SH3BGRL2: variants seen among roughly 807,000 people sequenced by gnomAD.
The protein encoded by SH3BGRL2 is SH3 domain-binding glutamic acid-rich-like protein 2.
Under a neutral mutation model 14.8 loss-of-function variants are expected in SH3BGRL2, and 21 were observed. That is an observed-to-expected ratio of 1.42 (90% CI 1.01 to 2.05). The LOEUF (loss-of-function observed/expected upper bound fraction) is 2.05, where lower values mean the gene tolerates loss of function less well. SH3BGRL2 is among the 30% of genes most tolerant of loss of function. SH3BGRL2 has a pLI of 0.00. For missense variants in SH3BGRL2, 147 were observed against 130.8 expected (o/e 1.12, Z -0.61); for synonymous variants, 50 against 47.8 (o/e 1.05, Z -0.19).
At chr6:79,637,700 A>G (rs1768954141) in intron 1 of SH3BGRL2, among the ~76,000 whole-genome samples, 1 of 152,200 alleles carries the variant, frequency 6.6e-6, no homozygotes, top group African/African-American at 2.4e-5. Context: ...CTAAAAAAAA[A>G]AAAAGAAAAT....
chr6:79,660,692 T>C (rs1769526718), intron 1 of SH3BGRL2, among the ~76,000 whole-genome samples: 1 of 152,220 alleles, frequency 6.6e-6, no homozygotes, highest in Non-Finnish European at 1.5e-5. Flanking sequence ...TTGTATTGAT[T>C]GGAATAGTTT....
chr6:79,697,596 G>C (rs1024882132), intron 3 of SH3BGRL2, among the ~76,000 whole-genome samples: 4 of 152,140 alleles, frequency 2.6e-5, no homozygotes, highest in Admixed American at 2.0e-4. Context: ...ATCGTGCTTT[G>C]TTTTTACATC....
the SH3BGRL2 span, among the ~76,000 whole-genome samples, chr6:79,580,356 A>G: frequency 6.6e-6 from 1 of 152,334 alleles, no homozygotes; most frequent in South Asian, 2.1e-4. Flanking sequence ...TCAGCATCAC[A>G]TCGCACCTAC....
intron 1 of SH3BGRL2, among the ~76,000 whole-genome samples, chr6:79,640,118 A>C (rs1476772690): frequency 6.6e-6 from 1 of 152,078 alleles, no homozygotes; most frequent in Non-Finnish European, 1.5e-5. Context: ...TTTGGGGGGC[A>C]CTGGGGTGGC....
chr6:79,620,524 A>G, the SH3BGRL2 span, among the ~76,000 whole-genome samples: 1 of 152,072 alleles, frequency 6.6e-6, no homozygotes, highest in African/African-American at 2.4e-5. Context: ...TAACTGTTTC[A>G]TGGGACTTTG....
At chr6:79,659,184 T>C (rs945541588) in intron 1 of SH3BGRL2, among the ~76,000 whole-genome samples, 1 of 152,224 alleles carries the variant, frequency 6.6e-6, no homozygotes, top group African/African-American at 2.4e-5. Context: ...TGCCATTACT[T>C]TTGGTGTTTT....
intron 1 of SH3BGRL2, among the ~76,000 whole-genome samples, chr6:79,662,122 A>G (rs368442847): frequency 1.2e-4 from 19 of 152,188 alleles, no homozygotes; most frequent in African/African-American, 3.9e-4. Context: ...GTGTCTTTTA[A>G]TTGGTGCATT....
chr6:79,629,610 G>C (rs955192572), upstream of SH3BGRL2, among the ~76,000 whole-genome samples: 1 of 152,172 alleles, frequency 6.6e-6, no homozygotes, highest in African/African-American at 2.4e-5. Flanking sequence ...ACTCCTTGCT[G>C]TTCTCCTCAC....
At chr6:79,602,538 G>T in the SH3BGRL2 span, among the ~76,000 whole-genome samples, 1 of 152,206 alleles carries the variant, frequency 6.6e-6, no homozygotes, top group Non-Finnish European at 1.5e-5. Flanking sequence ...ATAGGCTCCA[G>T]ATTTGTAATT....
At chr6:79,670,845 C>A (rs557399855) in intron 1 of SH3BGRL2, among the ~76,000 whole-genome samples, 2 of 152,260 alleles carry the variant, frequency 1.3e-5, no homozygotes, top group South Asian at 4.1e-4. Flanking sequence ...CCTCCAGGCA[C>A]CATATCTGCG....
rs146848831 is a variant in SH3BGRL2, at chr6:79,663,010, G to T, written c.46-10604G>T. ...TTTCAGCTCCAGCAGGTCATTTAAG[G>T]TCTTCTCTACACTGCTTATTCTAGT... On this transcript the variant is annotated intron_variant, in intron 1 of 3. Transcript: ENST00000369838. Among the ~76,000 whole-genome samples, 832 of 152,132 alleles carry T rather than the reference G, an allele frequency of 5.5e-3. 10 individuals are homozygous for T. Among genetic ancestry groups the T allele is most frequent in the African/African-American group, 0.019 (787 of 41,520 alleles).
At chr6:79,678,874 G>A (rs530031483) in intron 2 of SH3BGRL2, among the ~76,000 whole-genome samples, 3 of 152,276 alleles carry the variant, frequency 2.0e-5, no homozygotes, top group East Asian at 3.9e-4. Context: ...GCAGCATTTG[G>A]TTTTCTGTTC....
chr6:79,653,505 T>C (rs1222360206), intron 1 of SH3BGRL2, among the ~76,000 whole-genome samples: 2 of 152,320 alleles, frequency 1.3e-5, no homozygotes, highest in Non-Finnish European at 2.9e-5. Flanking sequence ...CAGTCTAATG[T>C]CTGGCGTAAA....
intron 1 of SH3BGRL2, among the ~76,000 whole-genome samples, chr6:79,660,626 T>C (rs2127729235): frequency 6.6e-6 from 1 of 152,310 alleles, no homozygotes; most frequent in Admixed American, 6.5e-5. Context: ...TCTGCTAGGC[T>C]TTGGTAACTG....
At chr6:79,594,881 A>G in the SH3BGRL2 span, among the ~76,000 whole-genome samples, 5 of 152,204 alleles carry the variant, frequency 3.3e-5, no homozygotes, top group Admixed American at 2.6e-4. Flanking sequence ...TTACAAGACA[A>G]TTTAGGATTA....
intron 1 of SH3BGRL2, among the ~76,000 whole-genome samples, chr6:79,655,947 T>G (rs894570421): frequency 6.6e-6 from 1 of 151,732 alleles, no homozygotes; most frequent in Non-Finnish European, 1.5e-5. Flanking sequence ...GCAGAGGGAG[T>G]GGGAGGGGAA....
intron 2 of SH3BGRL2, among the ~76,000 whole-genome samples, chr6:79,688,745 C>G (rs969378355): frequency 1.3e-4 from 19 of 151,990 alleles, no homozygotes; most frequent in African/African-American, 4.6e-4. Flanking sequence ...TTTAAGAATG[C>G]TTACAACCAT....
intron 1 of SH3BGRL2, among the ~76,000 whole-genome samples, chr6:79,651,468 A>G (rs1481307446): frequency 6.6e-6 from 1 of 152,148 alleles, no homozygotes; most frequent in African/African-American, 2.4e-5. Context: ...CTTTCATTCC[A>G]TGGTTCTGCT....
chr6:79,674,946 A>G (rs1465689561), intron 2 of SH3BGRL2, among the ~76,000 whole-genome samples: 1 of 152,222 alleles, frequency 6.6e-6, no homozygotes, highest in Non-Finnish European at 1.5e-5. Flanking sequence ...TTATATAAAA[A>G]TGAAAATTGT....
Sources: allele counts gnomAD v4.1 joint callset (sites outside exome capture counted in the v4.1 genomes callset), GRCh38; gene constraint gnomAD v4.1.1; transcripts MANE v1.5; gene names NCBI Gene and HGNC (gene_info 2026-07-23, HGNC 2026-07-21).